Variants in ROBO2 observed in about 807,000 individuals in gnomAD.
The protein encoded by ROBO2 is roundabout homolog 2.
In ROBO2, 53 loss-of-function variants were observed where a neutral mutation model predicts 160.8. The observed-to-expected ratio is 0.33, with a 90% CI of 0.26 to 0.41. The LOEUF is 0.41. Among genes scored for constraint, ROBO2 ranks in the 10% least tolerant of loss-of-function variants. The pLI is 1.00. For missense variants in ROBO2, 1,577 were observed against 1,722.4 expected (o/e 0.92, Z 1.49); for synonymous variants, 664 against 611.7 (o/e 1.09, Z -1.26).
At chr3:76,478,298 G>A (rs984549381) in intron 2 of ROBO2, among the ~76,000 whole-genome samples, 20 of 150,674 alleles carry the variant, frequency 1.3e-4, no homozygotes, top group Non-Finnish European at 2.4e-4. Context: ...TTGTTCTTGC[G>A]ATAGTTTACT....
intron 2 of ROBO2, among the ~76,000 whole-genome samples, chr3:77,443,352 AT>A (rs957222811): frequency 1.3e-5 from 2 of 151,942 alleles, no homozygotes; most frequent in Non-Finnish European, 2.9e-5. Context: ...CTTAACATGG[AT>A]TTTTTTCTCA....
chr3:77,626,932 C>T (rs550820229), intron 23 of ROBO2, among the ~76,000 whole-genome samples: 45 of 152,314 alleles, frequency 3.0e-4, no homozygotes, highest in African/African-American at 9.4e-4. Context: ...CTGGTGGCCT[C>T]ACCATCTGAC....
intron 2 of ROBO2, among the ~76,000 whole-genome samples, chr3:76,787,818 G>T (rs1367919864): frequency 6.6e-6 from 1 of 151,336 alleles, no homozygotes; most frequent in Non-Finnish European, 1.5e-5. Flanking sequence ...AGAAAAATTA[G>T]TATATATTTG....
At chr3:77,558,786 A>G (rs756198043) in intron 9 of ROBO2, among the ~76,000 whole-genome samples, 6 of 152,124 alleles carry the variant, frequency 3.9e-5, no homozygotes, top group Non-Finnish European at 7.4e-5. Flanking sequence ...ACTTCTGAAT[A>G]TTGTATCAGT....
intron 2 of ROBO2, among the ~76,000 whole-genome samples, chr3:76,735,460 A>G (rs544271676): frequency 6.6e-6 from 1 of 152,216 alleles, no homozygotes; most frequent in African/African-American, 2.4e-5. Context: ...GCAGCGGGGC[A>G]TGGGTTAAAA....
At chr3:76,683,076 A>T (rs977547115) in intron 2 of ROBO2, among the ~76,000 whole-genome samples, 2 of 152,146 alleles carry the variant, frequency 1.3e-5, no homozygotes, top group African/African-American at 4.8e-5. Context: ...AATGATCTAA[A>T]CAAATATTTC....
chr3:77,564,630 T>C, intron 11 of ROBO2: 1 of 444,398 alleles, frequency 2.3e-6, no homozygotes, highest in Non-Finnish European at 4.2e-6. Flanking sequence ...ACTTATTGTA[T>C]AAACTTGATG....
At chr3:77,366,391 AG>A (rs2070876028) in intron 2 of ROBO2, among the ~76,000 whole-genome samples, 3 of 152,026 alleles carry the variant, frequency 2.0e-5, no homozygotes, top group African/African-American at 7.3e-5. Flanking sequence ...CTTAGAAAGG[AG>A]GGCCCAGAGA....
chr3:76,129,572 G>A (rs1164093268), intron 2 of ROBO2, among the ~76,000 whole-genome samples: 2 of 152,036 alleles, frequency 1.3e-5, no homozygotes, highest in Non-Finnish European at 1.5e-5. Flanking sequence ...AGAAAAGAGA[G>A]CTCTTATTAG....
chr3:77,564,694 G>T (rs967164573), intron 11 of ROBO2: 1 of 553,970 alleles, frequency 1.8e-6, no homozygotes, highest in African/African-American at 1.9e-5. Flanking sequence ...GGGCTGCTGT[G>T]CATTAGCAAA....
intron 2 of ROBO2, among the ~76,000 whole-genome samples, chr3:76,432,507 A>G (rs944602931): frequency 1.3e-5 from 2 of 152,092 alleles, no homozygotes; most frequent in Non-Finnish European, 2.9e-5. Flanking sequence ...TTATCTCTAG[A>G]CTTCACTGTT....
At chr3:77,292,040 A>T (rs1231008508) in intron 2 of ROBO2, among the ~76,000 whole-genome samples, 1 of 151,454 alleles carries the variant, frequency 6.6e-6, no homozygotes, top group Non-Finnish European at 1.5e-5. Flanking sequence ...AGTAAAATTG[A>T]CGGCTTAACG....
intron 2 of ROBO2, among the ~76,000 whole-genome samples, chr3:77,449,675 T>G (rs907407303): frequency 6.6e-6 from 1 of 152,148 alleles, no homozygotes; most frequent in Non-Finnish European, 1.5e-5. Flanking sequence ...TATGCTACAT[T>G]TTGAATGCTT....
intron 12 of ROBO2, among the ~76,000 whole-genome samples, chr3:77,566,968 T>C (rs1227068482): frequency 6.6e-6 from 1 of 151,898 alleles, no homozygotes; most frequent in Non-Finnish European, 1.5e-5. Context: ...AAAGTACAAA[T>C]ACTTGGATTA....
intron 2 of ROBO2, among the ~76,000 whole-genome samples, chr3:77,446,147 T>C (rs2080483144): frequency 6.6e-6 from 1 of 152,064 alleles, no homozygotes; most frequent in African/African-American, 2.4e-5. Flanking sequence ...TCTGTCTCTC[T>C]AGTCGATGTT....
chr3:76,558,593 A>T (rs1271506598), intron 2 of ROBO2, among the ~76,000 whole-genome samples: 1 of 152,124 alleles, frequency 6.6e-6, no homozygotes, highest in African/African-American at 2.4e-5. Flanking sequence ...TATATTTATA[A>T]TTTTGAATTT....
At chr3:77,045,377 T>C (rs933776852) in intron 1 of ROBO2, among the ~76,000 whole-genome samples, 1 of 152,164 alleles carries the variant, frequency 6.6e-6, no homozygotes, top group East Asian at 1.9e-4. Context: ...TTTAAATACA[T>C]GTTTGGATTG....
rs145896104 is a variant in ROBO2, at chr3:76,473,894, G to C, written c.109+536292G>C. Among the ~76,000 whole-genome samples the C allele has an allele frequency of 1.8e-4, 27 of 152,256 alleles. No individual in the cohort carries two copies. The East Asian group carries it at 4.8e-3, about 27-fold the overall frequency. On this transcript the variant is annotated intron_variant, in intron 2 of 26. Coordinates refer to the ROBO2 transcript ENST00000487694. Reference sequence around the variant, plus strand: ...ATTTACTTCCTAAAATGTCTAGCCTGTTTTTGGAGTAGATGTCTTCCTAAG... The same window carrying C: ...ATTTACTTCCTAAAATGTCTAGCCTCTTTTTGGAGTAGATGTCTTCCTAAG...
chr3:77,497,446 A>C (rs1308272771), intron 5 of ROBO2, among the ~76,000 whole-genome samples: 1 of 152,162 alleles, frequency 6.6e-6, no homozygotes, highest in Non-Finnish European at 1.5e-5. Context: ...TGCCTACTAC[A>C]TTTGTAATGC....
Sources: allele counts gnomAD v4.1 joint callset (sites outside exome capture counted in the v4.1 genomes callset), GRCh38; gene constraint gnomAD v4.1.1; transcripts MANE v1.5; gene names NCBI Gene and HGNC (gene_info 2026-07-23, HGNC 2026-07-21).